The following ARHGAP26 variants were observed in gnomAD, a reference collection of about 807,000 sequenced individuals.
ARHGAP26 encodes Rho GTPase activating protein 26, also known as rho GTPase-activating protein 26.
Under a neutral mutation model 104.8 loss-of-function variants are expected in ARHGAP26, and 38 were observed. That is an observed-to-expected ratio of 0.36 (90% CI 0.28 to 0.48). The LOEUF is 0.48. Ranked by LOEUF, ARHGAP26 falls within the 20% of genes least tolerant of loss-of-function variation. The probability of loss-of-function intolerance (pLI) is 0.99; values close to 1 mark genes in which losing one functional copy is unlikely to be tolerated. For synonymous variants in ARHGAP26, 341 were observed against 340.0 expected (o/e 1.00, Z -0.03); for missense variants, 704 against 947.9 (o/e 0.74, Z 3.38).
intron 1 of ARHGAP26, among the ~76,000 whole-genome samples, chr5:142,816,548 G>C (rs905862700): frequency 2.0e-5 from 3 of 152,218 alleles, no homozygotes; most frequent in African/African-American, 7.2e-5. Flanking sequence ...CCTGGGCCTT[G>C]GAGAAAGAGG....
At chr5:143,028,669 A>G (rs1781418812) in intron 12 of ARHGAP26, among the ~76,000 whole-genome samples, 1 of 152,180 alleles carries the variant, frequency 6.6e-6, no homozygotes, top group Non-Finnish European at 1.5e-5. Flanking sequence ...CCATTATACA[A>G]GCGAGGAAGG....
intron 11 of ARHGAP26, among the ~76,000 whole-genome samples, chr5:142,978,373 C>G (rs1278497128): frequency 6.6e-6 from 1 of 152,188 alleles, no homozygotes; most frequent in African/African-American, 2.4e-5. Flanking sequence ...GTGAGGGGCT[C>G]TGTCTATGTA....
chr5:142,898,256 A>G (rs1759772371), intron 6 of ARHGAP26, among the ~76,000 whole-genome samples: 1 of 152,136 alleles, frequency 6.6e-6, no homozygotes, highest in Non-Finnish European at 1.5e-5. Context: ...ATGTATGTAT[A>G]TATTTGCACT....
intron 19 of ARHGAP26, among the ~76,000 whole-genome samples, chr5:143,141,288 G>T (rs1218020048): frequency 6.6e-6 from 1 of 152,196 alleles, no homozygotes; most frequent in East Asian, 1.9e-4. Context: ...CATACTTTTG[G>T]CACTATCACC....
intron 8 of ARHGAP26, 87 bp from the exon 9 acceptor site, chr5:142,907,616 AT>A (rs1241258056): frequency 1.3e-6 from 1 of 755,954 alleles, no homozygotes; most frequent in Non-Finnish European, 2.2e-6. Context: ...GATGAGCATT[AT>A]GAATTATGGG....
intron 20 of ARHGAP26, among the ~76,000 whole-genome samples, chr5:143,201,890 T>TA (rs1329718007): frequency 6.6e-6 from 1 of 152,330 alleles, no homozygotes; most frequent in Admixed American, 6.5e-5. Flanking sequence ...TTTAGTCATT[T>TA]AAAAAATCAC....
At chr5:143,015,022 C>T (rs1448394022) in intron 12 of ARHGAP26, among the ~76,000 whole-genome samples, 3 of 152,042 alleles carry the variant, frequency 2.0e-5, no homozygotes, top group Admixed American at 6.6e-5. Context: ...GATTTTTCCC[C>T]CCCTTTCTTT....
intron 12 of ARHGAP26, among the ~76,000 whole-genome samples, chr5:143,033,135 C>T (rs561687061): frequency 1.3e-5 from 2 of 152,272 alleles, no homozygotes; most frequent in East Asian, 3.9e-4. Flanking sequence ...ATGTAAATAT[C>T]GTATCCATTT....
chr5:142,843,733 G>A (rs182288907), intron 1 of ARHGAP26, among the ~76,000 whole-genome samples: 11 of 152,290 alleles, frequency 7.2e-5, no homozygotes, highest in African/African-American at 2.2e-4. Context: ...TATAAGTCAG[G>A]TTCTAACCAA....
At chr5:143,000,234 A>G (rs1241139525) in intron 11 of ARHGAP26, among the ~76,000 whole-genome samples, 2 of 152,254 alleles carry the variant, frequency 1.3e-5, no homozygotes, top group Non-Finnish European at 2.9e-5. Context: ...CTGTTTAATA[A>G]CAAAAAACTC....
chr5:143,013,555 TA>T (rs1418656355), intron 11 of ARHGAP26, among the ~76,000 whole-genome samples: 1 of 152,218 alleles, frequency 6.6e-6, no homozygotes, highest in Non-Finnish European at 1.5e-5. Flanking sequence ...CACTCCCCGG[TA>T]TTAACAGTCA....
chr5:143,197,721 A>G (rs1056744325), intron 20 of ARHGAP26, among the ~76,000 whole-genome samples: 4 of 152,100 alleles, frequency 2.6e-5, no homozygotes, highest in African/African-American at 9.7e-5. Context: ...GGGAACCTTC[A>G]GTTTCTGGAA....
At chr5:143,040,793 T>C (rs373983546) in intron 13 of ARHGAP26, among the ~76,000 whole-genome samples, 1 of 152,198 alleles carries the variant, frequency 6.6e-6, no homozygotes, top group East Asian at 1.9e-4. Flanking sequence ...GCTTGGCATG[T>C]TGAGGTGACA....
At chr5:143,014,803 T>C (rs1325697390) in intron 12 of ARHGAP26, among the ~76,000 whole-genome samples, 1 of 152,122 alleles carries the variant, frequency 6.6e-6, no homozygotes, top group East Asian at 1.9e-4. Context: ...ATCTCCTTGG[T>C]GTATAGGAGA....
chr5:143,195,267 C>G (rs898111936), intron 20 of ARHGAP26, among the ~76,000 whole-genome samples: 10 of 152,190 alleles, frequency 6.6e-5, no homozygotes, highest in African/African-American at 2.4e-4. Flanking sequence ...AAGTCCTGAA[C>G]ATAGTGAAAT....
intron 20 of ARHGAP26, among the ~76,000 whole-genome samples, chr5:143,156,818 G>T (rs936099811): frequency 2.6e-5 from 4 of 152,186 alleles, no homozygotes; most frequent in African/African-American, 9.7e-5. Context: ...GGAGGGATGG[G>T]TTTGCTTTTC....
At chr5:143,135,001 C>T (rs1006331398) in intron 19 of ARHGAP26, among the ~76,000 whole-genome samples, 1 of 152,218 alleles carries the variant, frequency 6.6e-6, no homozygotes, top group Non-Finnish European at 1.5e-5. Context: ...CGACACCTAC[C>T]AGGGACTGGG....
chr5:142,788,332 T>C (rs1234780409), intron 1 of ARHGAP26, among the ~76,000 whole-genome samples: 2 of 152,206 alleles, frequency 1.3e-5, no homozygotes, highest in South Asian at 2.1e-4. Flanking sequence ...CCAGCTCCCA[T>C]TTCTCTGCTT....
At chr5:142,923,765 A>G (rs1170677081) in intron 10 of ARHGAP26, among the ~76,000 whole-genome samples, 1 of 151,498 alleles carries the variant, frequency 6.6e-6, no homozygotes, top group African/African-American at 2.4e-5. Flanking sequence ...TATTATTGCT[A>G]TGATCCTAAT....
Sources: allele counts gnomAD v4.1 joint callset (sites outside exome capture counted in the v4.1 genomes callset), GRCh38; gene constraint gnomAD v4.1.1; transcripts MANE v1.5; gene names NCBI Gene and HGNC (gene_info 2026-07-23, HGNC 2026-07-21).